SNX7: variants seen among roughly 807,000 people sequenced by gnomAD.
SNX7 encodes the protein sorting nexin-7.
A neutral mutation model predicts 48.4 loss-of-function variants in SNX7; 35 were observed. The ratio of observed to expected loss-of-function variants is 0.72; its 90% CI spans 0.55 to 0.96. SNX7 has a LOEUF of 0.96. Ranked by LOEUF, SNX7 falls within the 40% of genes least tolerant of loss-of-function variation. The probability of loss-of-function intolerance (pLI) is 0.00; values close to 1 mark genes in which losing one functional copy is unlikely to be tolerated. For synonymous variants in SNX7, 190 were observed against 190.2 expected, an observed-to-expected ratio of 1.00 and a Z score of 0.01; for missense variants, 553 against 548.9, an observed-to-expected ratio of 1.01 and a Z score of -0.07.
chr1:98,726,113 T>TC (rs1653151107), intron 7 of SNX7, among the ~76,000 whole-genome samples: 1 of 152,170 alleles, frequency 6.6e-6, no homozygotes, highest in South Asian at 2.1e-4. Flanking sequence ...GGGTGCCGCA[T>TC]TTTACAGAGG....
chr1:98,674,196 A>G (rs554123800), intron 1 of SNX7, among the ~76,000 whole-genome samples: 12 of 152,152 alleles, frequency 7.9e-5, no homozygotes, highest in Non-Finnish European at 1.8e-4. Context: ...TCCATCCTCA[A>G]ATTTTTATTG....
At chr1:98,728,753 G>C (rs955203063) in intron 7 of SNX7, among the ~76,000 whole-genome samples, 1 of 152,074 alleles carries the variant, frequency 6.6e-6, no homozygotes, top group Non-Finnish European at 1.5e-5. Flanking sequence ...AACTAATCTA[G>C]ATACATATGC....
At chr1:98,737,761 G>GA (rs1653865977) in intron 7 of SNX7, among the ~76,000 whole-genome samples, 1 of 152,094 alleles carries the variant, frequency 6.6e-6, no homozygotes, top group Non-Finnish European at 1.5e-5. Flanking sequence ...TGGGACTACA[G>GA]AGTATGGATG....
intron 7 of SNX7, among the ~76,000 whole-genome samples, chr1:98,703,852 G>A (rs1651883083): frequency 6.6e-6 from 1 of 151,892 alleles, no homozygotes; most frequent in African/African-American, 2.4e-5. Context: ...CGAAGTTAGT[G>A]GTTAGACAAA....
chr1:98,710,006 G>T (rs1036832728), intron 7 of SNX7, among the ~76,000 whole-genome samples: 1 of 152,102 alleles, frequency 6.6e-6, no homozygotes, highest in African/African-American at 2.4e-5. Context: ...TCATTTTAAA[G>T]ACCACACATT....
At chr1:98,703,027 A>G (rs1304512321) in intron 7 of SNX7, among the ~76,000 whole-genome samples, 1 of 151,932 alleles carries the variant, frequency 6.6e-6, no homozygotes, top group African/African-American at 2.4e-5. Flanking sequence ...TTCCTAACAT[A>G]TGACTTCCTA....
intron 7 of SNX7, among the ~76,000 whole-genome samples, chr1:98,722,957 A>G (rs2101009570): frequency 6.6e-6 from 1 of 152,192 alleles, no homozygotes; most frequent in South Asian, 2.1e-4. Context: ...TCACTTTCCT[A>G]AAATCACCCA....
chr1:98,732,402 C>T lies in SNX7; in HGVS notation c.1126-5835C>T, dbSNP rs369911754. Among the ~76,000 whole-genome samples the T allele has an allele frequency of 6.8e-4, 103 of 152,130 alleles. No homozygotes were observed. In the South Asian group the frequency reaches 0.02, roughly 29 times the overall value. The stretch of plus-strand genomic sequence containing the variant: ...GAAATAGGGAGGGTACTGTTATCCA[C>T]TTGTTGCAAGAGAAAAGGAGCAGGT... On this transcript the variant is annotated intron_variant, in intron 7 of 8. Coordinates refer to ENST00000306121, the MANE Select transcript of SNX7 (RefSeq NM_015976.5).
At chr1:98,667,425 G>A (rs971188793) in intron 1 of SNX7, among the ~76,000 whole-genome samples, 31 of 152,142 alleles carry the variant, frequency 2.0e-4, no homozygotes, top group African/African-American at 2.4e-5. Context: ...ACCCAGGCTA[G>A]AGTGCAGTGG....
chr1:98,679,381 G>A (rs1650352067), intron 1 of SNX7, among the ~76,000 whole-genome samples: 1 of 152,088 alleles, frequency 6.6e-6, no homozygotes, highest in South Asian at 2.1e-4. Flanking sequence ...TTTGAGTGGG[G>A]ACACAGCCAA....
intron 4 of SNX7, among the ~76,000 whole-genome samples, chr1:98,692,676 G>T (rs4369246): frequency 0.95 from 144,142 of 152,176 alleles, 68,339 homozygotes; most frequent in East Asian, 1. Context: ...TCACAACACT[G>T]GAGCTCACCA....
At chr1:98,704,341 G>A (rs1285981743) in intron 7 of SNX7, among the ~76,000 whole-genome samples, 4 of 152,156 alleles carry the variant, frequency 2.6e-5, no homozygotes, top group Non-Finnish European at 1.5e-5. Flanking sequence ...ATTTAACAGA[G>A]AGATTGCAGG....
In SNX7 at chr1:98,691,665, A is replaced by G; in HGVS notation, c.605A>G (p.Glu202Gly). The change falls in exon 4 of 9, where the codon GAA (glutamate) becomes GGA (glycine). Residue 202 changes from glutamate to glycine, a missense_variant. Coordinates refer to ENST00000306121, the MANE Select transcript of SNX7 (RefSeq NM_015976.5). Reference sequence around the variant, plus strand: ...GATCATCCAACTTTAACATTTAATGAAGACTTCAAAATTTTTCTCACTGCA... The same window carrying G: ...GATCATCCAACTTTAACATTTAATGGAGACTTCAAAATTTTTCTCACTGCA... ...IADHPTLTFN[E>G]DFKIFLTAQA... The G allele has an allele frequency of 1.2e-6, 2 of 1,608,480 alleles. No homozygotes were observed. Among genetic ancestry groups the G allele is most frequent in the Non-Finnish European group, 1.7e-6 (2 of 1,177,392 alleles).
At chr1:98,736,094 T>C (rs957889068) in intron 7 of SNX7, among the ~76,000 whole-genome samples, 2 of 152,184 alleles carry the variant, frequency 1.3e-5, no homozygotes, top group African/African-American at 4.8e-5. Context: ...GTAAATCCTT[T>C]CTGGCAGTGA....
intron 1 of SNX7, among the ~76,000 whole-genome samples, chr1:98,663,247 TTTCTG>T (rs1172423010): frequency 5.3e-5 from 6 of 113,430 alleles, no homozygotes; most frequent in Non-Finnish European, 1.1e-4. Flanking sequence ...TCAGGGTTTC[TTTCTG>T]GTTTTTTTTT....
chr1:98,730,809 G>GA (rs1454798616), intron 7 of SNX7, among the ~76,000 whole-genome samples: 1 of 152,102 alleles, frequency 6.6e-6, no homozygotes, highest in South Asian at 2.1e-4. Context: ...TCAGTATTGT[G>GA]AAAATGGCCG....
chr1:98,670,770 G>A (rs951117278), intron 1 of SNX7, among the ~76,000 whole-genome samples: 1 of 152,010 alleles, frequency 6.6e-6, no homozygotes, highest in Admixed American at 6.5e-5. Context: ...ACACATGCCT[G>A]TATTTGGAAA....
intron 8 of SNX7, among the ~76,000 whole-genome samples, chr1:98,745,850 C>T (rs917386195): frequency 2.0e-5 from 3 of 152,026 alleles, no homozygotes; most frequent in African/African-American, 7.2e-5. Flanking sequence ...AAAACAACAA[C>T]TTTTCATCTT....
chr1:98,716,073 C>T (rs965761939), intron 7 of SNX7, among the ~76,000 whole-genome samples: 1 of 152,154 alleles, frequency 6.6e-6, no homozygotes, highest in African/African-American at 2.4e-5. Context: ...CCCTTTCTGA[C>T]AGCGAGAGAC....
Sources: gnomAD v4.1 joint callset for allele counts (sites outside exome capture counted in the v4.1 genomes callset) on GRCh38, gnomAD v4.1.1 for gene constraint, MANE v1.5 for transcripts, NCBI Gene and HGNC (gene_info 2026-07-23, HGNC 2026-07-21) for gene names.